Variants in TMEM232 observed in about 807,000 individuals in gnomAD.
The protein encoded by TMEM232 is transmembrane protein 232.
Under a neutral mutation model 78.8 loss-of-function variants are expected in TMEM232, and 80 were observed. The ratio of observed to expected loss-of-function variants is 1.01; its 90% CI spans 0.85 to 1.22. The LOEUF (loss-of-function observed/expected upper bound fraction) is 1.22. TMEM232 is among the 50% of genes most tolerant of loss of function. The probability of loss-of-function intolerance (pLI) is 0.00; values close to 1 mark genes in which losing one functional copy is unlikely to be tolerated. For missense variants in TMEM232, 881 were observed against 742.2 expected, an observed-to-expected ratio of 1.19 and a Z score of -2.17; for synonymous variants, 297 against 254.3, an observed-to-expected ratio of 1.17 and a Z score of -1.60.
chr5:110,648,987 G>A (rs1432533323), intron 2 of TMEM232, among the ~76,000 whole-genome samples: 2 of 152,048 alleles, frequency 1.3e-5, no homozygotes. Flanking sequence ...CTGGCATGCT[G>A]TTCCCTGTGC....
intron 11 of TMEM232, among the ~76,000 whole-genome samples, chr5:110,562,331 C>T (rs1011454856): frequency 1.3e-5 from 2 of 152,044 alleles, no homozygotes; most frequent in Non-Finnish European, 2.9e-5. Context: ...GGCAAGTCAA[C>T]CTACAATGTT....
At chr5:110,608,016 G>A (rs892597999) in intron 8 of TMEM232, among the ~76,000 whole-genome samples, 3 of 151,834 alleles carry the variant, frequency 2.0e-5, no homozygotes, top group South Asian at 2.1e-4. Context: ...ATTTGGTTAT[G>A]CAATTGTAGT....
chr5:110,666,841 T>C (rs1312696651), intron 2 of TMEM232: 1 of 161,690 alleles, frequency 6.2e-6, no homozygotes, highest in Non-Finnish European at 1.3e-5. Flanking sequence ...GCACTCATTG[T>C]AGAAACTTTA....
chr5:110,457,893 A>G (rs971416838), intron 12 of TMEM232, among the ~76,000 whole-genome samples: 2 of 152,118 alleles, frequency 1.3e-5, no homozygotes, highest in African/African-American at 2.4e-5. Flanking sequence ...TATGATGTAT[A>G]TTCATGTATA....
intron 12 of TMEM232, among the ~76,000 whole-genome samples, chr5:110,487,129 A>G (rs945694831): frequency 1.3e-5 from 2 of 152,096 alleles, no homozygotes; most frequent in Non-Finnish European, 2.9e-5. Context: ...GTAGGTGTAC[A>G]GAAGAGCTAC....
intron 12 of TMEM232, among the ~76,000 whole-genome samples, chr5:110,457,564 T>C (rs1435547963): frequency 6.6e-6 from 1 of 152,106 alleles, no homozygotes; most frequent in African/African-American, 2.4e-5. Flanking sequence ...TTTATAGTGA[T>C]ATATATGGTC....
intron 12 of TMEM232, among the ~76,000 whole-genome samples, chr5:110,520,050 T>TATATATAGAGAG (rs374219408): frequency 4.5e-4 from 67 of 147,258 alleles, no homozygotes; most frequent in African/African-American, 1.4e-3. Context: ...TATATATATA[T>TATATATAGAGAG]AGAGAGAGAG....
intron 2 of TMEM232, among the ~76,000 whole-genome samples, chr5:110,649,117 A>G (rs994381161): frequency 6.6e-6 from 1 of 152,146 alleles, no homozygotes; most frequent in African/African-American, 2.4e-5. Context: ...AAAATTAAAC[A>G]AACTGCAACT....
At chr5:110,678,771 T>C (rs927536229) in intron 1 of TMEM232, among the ~76,000 whole-genome samples, 1 of 152,176 alleles carries the variant, frequency 6.6e-6, no homozygotes, top group Non-Finnish European at 1.5e-5. Flanking sequence ...TAGTTTGAAT[T>C]AAACACTATG....
chr5:110,427,751 C>T (rs955963822), intron 12 of TMEM232, among the ~76,000 whole-genome samples: 10 of 151,858 alleles, frequency 6.6e-5, no homozygotes, highest in African/African-American at 2.2e-4. Flanking sequence ...AGATACTTCA[C>T]TCCTGTCTGT....
chr5:110,463,067 G>GA (rs1050498454), intron 12 of TMEM232, among the ~76,000 whole-genome samples: 2 of 151,818 alleles, frequency 1.3e-5, no homozygotes, highest in East Asian at 3.9e-4. Context: ...CTCCATTTTT[G>GA]AAAAAAAGTT....
At chr5:110,669,249 GA>G (rs1337224468) in intron 1 of TMEM232, among the ~76,000 whole-genome samples, 1 of 151,990 alleles carries the variant, frequency 6.6e-6, no homozygotes, top group Non-Finnish European at 1.5e-5. Context: ...TAATAAAGAA[GA>G]AAAGAGAGAA....
chr5:110,425,252 T>A (rs1757108987), intron 12 of TMEM232, among the ~76,000 whole-genome samples: 1 of 152,142 alleles, frequency 6.6e-6, no homozygotes. Flanking sequence ...TTTCAATACA[T>A]TTCCAAAGTC....
At chr5:110,652,006 T>G (rs1034342619) in intron 2 of TMEM232, among the ~76,000 whole-genome samples, 1 of 152,124 alleles carries the variant, frequency 6.6e-6, no homozygotes, top group East Asian at 1.9e-4. Flanking sequence ...TATATACTGC[T>G]TGAAATGTAT....
intron 1 of TMEM232, among the ~76,000 whole-genome samples, chr5:110,717,519 T>A (rs1011656459): frequency 2.6e-5 from 4 of 152,134 alleles, no homozygotes; most frequent in Admixed American, 6.6e-5. Context: ...GCAAAACTGA[T>A]GTGTCCTCTT....
At chr5:110,516,096 G>A (rs982601777) in intron 12 of TMEM232, among the ~76,000 whole-genome samples, 4 of 152,010 alleles carry the variant, frequency 2.6e-5, no homozygotes, top group East Asian at 1.9e-4. Context: ...AAAATTACCC[G>A]GGCGTGGTGG....
At chr5:110,521,384 T>C (rs1011646939) in intron 12 of TMEM232, among the ~76,000 whole-genome samples, 1 of 152,206 alleles carries the variant, frequency 6.6e-6, no homozygotes, top group African/African-American at 2.4e-5. Context: ...ATATATATGG[T>C]TTGCAAATAT....
At chr5:110,627,921 C>G (rs1019118042) in intron 5 of TMEM232, 41 bp from the exon 6 acceptor site, 1 of 1,289,972 alleles carries the variant, frequency 7.8e-7, no homozygotes, top group African/African-American at 1.5e-5. Context: ...TGTGTTGCAT[C>G]AATAAATGTT....
At chr5:110,738,890 T>C (rs1799499856), upstream of TMEM232, 2 of 1,120,906 alleles carry the variant, frequency 1.8e-6, no homozygotes, top group African/African-American at 1.6e-5. Flanking sequence ...AACAAACTTT[T>C]AAGGTCCAGG....
Sources: allele counts gnomAD v4.1 joint callset (sites outside exome capture counted in the v4.1 genomes callset), GRCh38; gene constraint gnomAD v4.1.1; transcripts MANE v1.5; gene names NCBI Gene and HGNC (gene_info 2026-07-23, HGNC 2026-07-21).